The following SIPA1L3 variants were observed in gnomAD, a reference collection of about 807,000 sequenced individuals.
The protein encoded by SIPA1L3 is signal-induced proliferation-associated 1-like protein 3.
A neutral mutation model predicts 150.1 loss-of-function variants in SIPA1L3; 59 were observed. The observed-to-expected ratio is 0.39, with a 90% CI of 0.32 to 0.49. The LOEUF is 0.49. Among genes scored for constraint, SIPA1L3 ranks in the 20% least tolerant of loss-of-function variants. SIPA1L3 has a pLI of 0.86. For missense variants in SIPA1L3, 2,211 were observed against 2,489.5 expected (o/e 0.89, Z 2.38); for synonymous variants, 1,070 against 1,077.6 (o/e 0.99, Z 0.14).
chr19:38,133,032 C>T (rs560820247), intron 10 of SIPA1L3, among the ~76,000 whole-genome samples: 1 of 152,350 alleles, frequency 6.6e-6, no homozygotes, highest in Non-Finnish European at 1.5e-5. Flanking sequence ...GCGGCCTCCC[C>T]ATGGTGTCCT....
chr19:38,001,080 T>C (rs1218265264), intron 1 of SIPA1L3, among the ~76,000 whole-genome samples: 1 of 151,126 alleles, frequency 6.6e-6, no homozygotes, highest in African/African-American at 2.4e-5. Context: ...ATATCACATA[T>C]ATATATACTA....
chr19:38,188,309 C>T (rs973839059), intron 16 of SIPA1L3, among the ~76,000 whole-genome samples: 2 of 151,770 alleles, frequency 1.3e-5, no homozygotes, highest in South Asian at 2.1e-4. Flanking sequence ...CTCAGCCTCC[C>T]GAGTAGCTGG....
Position 38,082,579 on chromosome 19 carries a change from G to A in SIPA1L3, c.1014G>A (p.Lys338=). The part of the protein sequence containing the change: ...PEASRPWVCQ[K]SFAHFDVQSM... The stretch of plus-strand genomic sequence containing the variant: ...CCAGCAGGCCGTGGGTGTGTCAGAA[G>A]AGCTTCGCCCACTTCGACGTGCAGA... Residue 338 remains lysine, a synonymous_variant, in exon 3 of 22, where the codon AAG becomes AAA. Coordinates refer to ENST00000222345, the MANE Select transcript of SIPA1L3 (RefSeq NM_015073.3). 6.2e-7 allele frequency: 1 copy of A among 1,604,420 alleles called. No homozygotes were observed.
intron 1 of SIPA1L3, among the ~76,000 whole-genome samples, chr19:38,011,307 T>C (rs1968091839): frequency 6.6e-6 from 1 of 152,006 alleles, no homozygotes; most frequent in African/African-American, 2.4e-5. Flanking sequence ...AAACCCCCTC[T>C]CTACAAAAAA....
intron 2 of SIPA1L3, among the ~76,000 whole-genome samples, chr19:38,072,139 G>T (rs1969735924): frequency 6.6e-6 from 1 of 152,166 alleles, no homozygotes; most frequent in Non-Finnish European, 1.5e-5. Flanking sequence ...AAGGGGCTGG[G>T]GTTGAGTCCC....
At position 37,968,292 on chromosome 19, in the gene SIPA1L3, C is replaced by T. The variant is rs118139394; in HGVS notation, c.-378-60797C>T. On this transcript the variant is annotated intron_variant, in intron 1 of 21. Coordinates refer to ENST00000222345, the MANE Select transcript of SIPA1L3 (RefSeq NM_015073.3). ...TTCACCATATTGGCCAGGAGGGTCTCGATTTCCTGACCTCAGGTGATCTGC... is the reference window on the plus strand; with the variant it reads ...TTCACCATATTGGCCAGGAGGGTCTTGATTTCCTGACCTCAGGTGATCTGC... Among the ~76,000 whole-genome samples the T allele has an allele frequency of 7.1e-3, 1,085 of 152,092 alleles. 37 individuals carry two copies. Among genetic ancestry groups the T allele is most frequent in the East Asian group, 0.066 (343 of 5,164 alleles).
At chr19:37,980,932 T>C (rs1323028992) in intron 1 of SIPA1L3, among the ~76,000 whole-genome samples, 1 of 152,184 alleles carries the variant, frequency 6.6e-6, no homozygotes, top group Non-Finnish European at 1.5e-5. Flanking sequence ...TTTCTAGTCA[T>C]GAGACACGGG....
At chr19:37,909,870 G>T (rs1220332549) in intron 1 of SIPA1L3, among the ~76,000 whole-genome samples, 1 of 151,738 alleles carries the variant, frequency 6.6e-6, no homozygotes, top group African/African-American at 2.4e-5. Context: ...ACCTGTCATT[G>T]TGATTTCATT....
At chr19:38,156,973 G>A (rs1219289139) in intron 13 of SIPA1L3, among the ~76,000 whole-genome samples, 1 of 151,870 alleles carries the variant, frequency 6.6e-6, no homozygotes, top group Admixed American at 6.6e-5. Flanking sequence ...AACCAGCGTG[G>A]GCAACCTAGT....
intron 10 of SIPA1L3, among the ~76,000 whole-genome samples, chr19:38,133,851 C>A (rs1971370106): frequency 6.6e-6 from 1 of 152,166 alleles, no homozygotes; most frequent in South Asian, 2.1e-4. Context: ...GTAGGACAGG[C>A]CAGACCCAGT....
At chr19:38,199,326 C>T (rs1473524365) in intron 19 of SIPA1L3, among the ~76,000 whole-genome samples, 1 of 152,224 alleles carries the variant, frequency 6.6e-6, no homozygotes, top group Non-Finnish European at 1.5e-5. Context: ...ACCCAGATGC[C>T]ATCAGCGGTT....
At chr19:38,077,880 A>C (rs1969882420) in intron 2 of SIPA1L3, among the ~76,000 whole-genome samples, 1 of 151,854 alleles carries the variant, frequency 6.6e-6, no homozygotes, top group African/African-American at 2.4e-5. Context: ...CATGTTAGCC[A>C]GGCTGGTCTC....
At chr19:38,093,829 T>A (rs1970317928) in intron 4 of SIPA1L3, among the ~76,000 whole-genome samples, 1 of 152,156 alleles carries the variant, frequency 6.6e-6, no homozygotes, top group East Asian at 1.9e-4. Context: ...AGGAACAGAC[T>A]TGGAGCTGGG....
At position 37,944,127 on chromosome 19, in the gene SIPA1L3, A is replaced by T. The variant is rs543693191; in HGVS notation, c.-379+36769A>T. Among the ~76,000 whole-genome samples, 45 of 152,088 alleles carry T rather than the reference A, an allele frequency of 3.0e-4. 1 individual carries two copies. Among genetic ancestry groups the T allele is most frequent in the African/African-American group, 1.1e-3 (45 of 41,474 alleles). On this transcript the variant is annotated intron_variant, in intron 1 of 21. Transcript: ENST00000222345. ...CCGCATCTCTACTAAAAATAAAAAA[A>T]ATTAGCCAGGTGCAGAGGCATGCGC...
At position 38,138,897 on chromosome 19, in the gene SIPA1L3, CA is replaced by C. The variant is rs3045988; in HGVS notation, c.3144-2269del. 2.2e-3 allele frequency among the ~76,000 whole-genome samples: 96 copies of C among 44,128 alleles called. 2 individuals carry two copies. The highest frequency in any genetic ancestry group is 5.8e-3 in the African/African-American group (54 of 9,296). The allele number at this position is 44,128 out of a possible 152,430, so 28.9% of individuals were successfully genotyped here. A position where few individuals can be genotyped will look rare whatever the true frequency, so the allele number is the denominator to read the frequency against. ...TGGGTGACAGAACGAGACTCTATCT[CA>C]AAAAAAAAAAAAAAAAACTGAGTGT... On this transcript the variant is annotated intron_variant, in intron 10 of 21. Transcript: ENST00000222345.
At chr19:38,182,761 C>T (rs1470896543) in intron 16 of SIPA1L3, 21 bp downstream of exon 16, 22 of 1,572,418 alleles carry the variant, frequency 1.4e-5, no homozygotes, top group East Asian at 9.1e-5. Flanking sequence ...GGACGTCCAG[C>T]GAGGCGCCCG....
At chr19:37,951,617 G>A (rs1434255909) in intron 1 of SIPA1L3, among the ~76,000 whole-genome samples, 1 of 151,962 alleles carries the variant, frequency 6.6e-6, no homozygotes, top group African/African-American at 2.4e-5. Flanking sequence ...AAAAGCCCCG[G>A]GCCAGGCGCA....
At chr19:38,136,410 C>T (rs887576666) in intron 10 of SIPA1L3, among the ~76,000 whole-genome samples, 1 of 151,918 alleles carries the variant, frequency 6.6e-6, no homozygotes, top group African/African-American at 2.4e-5. Context: ...TCAAGACCAG[C>T]CTAGACAACA....
chr19:38,178,996 T>C (rs1244738206), intron 15 of SIPA1L3, among the ~76,000 whole-genome samples: 1 of 152,226 alleles, frequency 6.6e-6, no homozygotes, highest in East Asian at 1.9e-4. Flanking sequence ...AATCCCTGCC[T>C]TTTGATGGGA....
Sources: gnomAD v4.1 joint callset for allele counts (sites outside exome capture counted in the v4.1 genomes callset) on GRCh38, gnomAD v4.1.1 for gene constraint, MANE v1.5 for transcripts, NCBI Gene and HGNC (gene_info 2026-07-23, HGNC 2026-07-21) for gene names.